The following SEC14L5 variants were observed in gnomAD, a reference collection of about 807,000 sequenced individuals.
SEC14L5 encodes SEC14 like lipid binding 5.
Under a neutral mutation model 84.6 loss-of-function variants are expected in SEC14L5, and 96 were observed. The ratio of observed to expected loss-of-function variants is 1.13; its 90% confidence interval spans 0.96 to 1.34. The LOEUF (loss-of-function observed/expected upper bound fraction) is 1.34, where lower values mean the gene tolerates loss of function less well. SEC14L5 is among the 40% of genes most tolerant of loss of function. The pLI, the probability that SEC14L5 is intolerant of heterozygous loss-of-function variation, is 0.00. For missense variants in SEC14L5, 1,224 were observed against 942.5 expected (o/e 1.30, Z -3.91); for synonymous variants, 546 against 383.4 (o/e 1.42, Z -4.95).
chr16:5,010,776 AATCCCAC>A (rs1955790313), intron 14 of SEC14L5: 2 of 323,984 alleles, frequency 6.2e-6, no homozygotes, highest in Non-Finnish European at 1.1e-5. Context: ...TTGGTTTGCA[AATCCCAC>A]TCAGCAGAGC....
intron 10 of SEC14L5, among the ~76,000 whole-genome samples, chr16:5,003,155 A>G (rs893597520): frequency 1.3e-5 from 2 of 152,214 alleles, no homozygotes; most frequent in Non-Finnish European, 2.9e-5. Flanking sequence ...CCACTGTCCT[A>G]TGAGTAAGTG....
chr16:4,983,392 C>A (rs1422760750), intron 2 of SEC14L5, among the ~76,000 whole-genome samples: 1 of 150,136 alleles, frequency 6.7e-6, no homozygotes, highest in South Asian at 2.1e-4. Flanking sequence ...TTTATATATA[C>A]ATTATATATT....
In SEC14L5 at chr16:5,006,047, T is replaced by A; in HGVS notation, c.1436T>A (p.Val479Glu). 1 of 1,612,938 alleles carries A rather than the reference T, an allele frequency of 6.2e-7. No individual in the cohort carries two copies. The highest frequency in any genetic ancestry group is 1.1e-5 in the South Asian group (1 of 91,006). Residue 479 changes from valine to glutamate, a missense_variant and splice_region_variant, in exon 12 of 16, where the codon GTG (valine) becomes GAG (glutamate). Physicochemically the swap from Val to Glu is moderately radical, Grantham distance 121 (BLOSUM62 -2). Coordinates refer to ENST00000251170, the MANE Select transcript of SEC14L5 (RefSeq NM_014692.2). ...VIPDFLGGESVCNVPEGGLVP... is the reference protein window; with the variant it reads ...VIPDFLGGESECNVPEGGLVP... Reference sequence around the variant, plus strand: ...CCTGACTTCCTTGGGGGAGAGAGTGTGGTGAGGCTTCCATGTCCACAGACA... The same window carrying A: ...CCTGACTTCCTTGGGGGAGAGAGTGAGGTGAGGCTTCCATGTCCACAGACA...
At chr16:4,975,152 A>T (rs1263696860) in intron 2 of SEC14L5, among the ~76,000 whole-genome samples, 1 of 152,068 alleles carries the variant, frequency 6.6e-6, no homozygotes, top group Admixed American at 6.6e-5. Flanking sequence ...GAGTTACTTC[A>T]TTTAGAATAA....
chr16:4,962,486 G>T lies in SEC14L5; in HGVS notation c.63+3100G>T, dbSNP rs549069712. Among the ~76,000 whole-genome samples the T allele has an allele frequency of 6.6e-5, 10 of 152,160 alleles. No individual in the cohort carries two copies. The South Asian group carries it at 2.1e-3, about 32-fold the overall frequency. ...GCGGACCACCTCAGGTCAGGAGTTC[G>T]AGACGAGCTTGGCCAACATGGTAAA... On this transcript the variant is annotated intron_variant, in intron 2 of 15. Transcript: ENST00000251170.
At position 5,015,944 on chromosome 16, in the gene SEC14L5, T is replaced by C. The variant is rs1955870888; in HGVS notation, c.*974T>C. 1 of 152,240 alleles carries C rather than the reference T, an allele frequency of 6.6e-6. No individual in the cohort carries two copies. Among genetic ancestry groups the C allele is most frequent in the African/African-American group, 2.4e-5 (1 of 41,442 alleles). 9.4% of individuals were successfully genotyped at this position (152,240 alleles called of 1,614,324 possible). A position where few individuals can be genotyped will look rare whatever the true frequency, so the allele number is the denominator to read the frequency against. ...GTGATGGGGTGACTGAGGCTGTCTG[T>C]ATACCCCACTGGAGATGCCTTTCTC... On this transcript the variant is annotated 3_prime_UTR_variant, in exon 16 of 16. Transcript: ENST00000251170.
At position 5,017,074 on chromosome 16, in the gene SEC14L5, G is replaced by A. The variant is rs1157492498; in HGVS notation, c.*2104G>A. ...AAACTAGGTGTTATCCTACAAGTAT[G>A]CTGGGATAAGCTGCCCTGGCAGTCT... On this transcript the variant is annotated 3_prime_UTR_variant, in exon 16 of 16. Transcript: ENST00000251170. The A allele has an allele frequency of 1.3e-5, 2 of 152,090 alleles. No individual in the cohort carries two copies. Among genetic ancestry groups the A allele is most frequent in the African/African-American group, 2.4e-5 (1 of 41,394 alleles). 9.4% of individuals were successfully genotyped at this position (152,090 alleles called of 1,614,324 possible). A position where few individuals can be genotyped will look rare whatever the true frequency, so the allele number is the denominator to read the frequency against.
At chr16:4,989,828 G>C (rs371680067) in intron 4 of SEC14L5, among the ~76,000 whole-genome samples, 1 of 152,034 alleles carries the variant, frequency 6.6e-6, no homozygotes, top group African/African-American at 2.4e-5. Context: ...GGCTGCTTGC[G>C]AAATGCAGAT....
intron 2 of SEC14L5, among the ~76,000 whole-genome samples, chr16:4,977,805 T>TTTA (rs1416872869): frequency 6.6e-6 from 1 of 151,712 alleles, no homozygotes; most frequent in Non-Finnish European, 1.5e-5. Context: ...TATTTATTTA[T>TTTA]TTATTATTAT....
intron 2 of SEC14L5, among the ~76,000 whole-genome samples, chr16:4,983,261 G>C (rs932025136): frequency 6.6e-6 from 1 of 151,878 alleles, no homozygotes; most frequent in Admixed American, 6.6e-5. Context: ...TGATCTGCCT[G>C]CCTTGGCTTC....
At chr16:4,966,076 A>C (rs749633679) in intron 2 of SEC14L5, among the ~76,000 whole-genome samples, 6 of 152,104 alleles carry the variant, frequency 3.9e-5, no homozygotes, top group Non-Finnish European at 7.3e-5. Context: ...TAAAAATGTT[A>C]AAAATATTTA....
chr16:4,970,092 G>A (rs142166993), intron 2 of SEC14L5, among the ~76,000 whole-genome samples: 20 of 152,314 alleles, frequency 1.3e-4, no homozygotes, highest in Admixed American at 3.3e-4. Context: ...GATCACAGGC[G>A]TGAGCCACTG....
At chr16:5,014,801 C>A in intron 15 of SEC14L5, 58 bp from the exon 16 acceptor site, 1 of 1,355,884 alleles carries the variant, frequency 7.4e-7, no homozygotes, top group Non-Finnish European at 1.0e-6. Flanking sequence ...TGCTGTGTGT[C>A]AGCCCAAGGG....
Position 5,000,886 on chromosome 16 carries a change from G to C in SEC14L5, c.1091G>C (p.Arg364Pro), listed in dbSNP as rs776944562. The C allele has an allele frequency of 6.2e-7, 1 of 1,609,026 alleles. No homozygotes were observed. Among genetic ancestry groups the C allele is most frequent in the South Asian group, 1.1e-5 (1 of 89,988 alleles). The change falls in exon 10 of 16, where the codon CGG (arginine) becomes CCG (proline). Residue 364 changes from arginine (R) to proline (P), a missense_variant. Coordinates refer to ENST00000251170, the MANE Select transcript of SEC14L5 (RefSeq NM_014692.2). ...TCCGTCAACGAGGAAGGACAGAAGC[G>C]GTGTGAGGGGAGCACAAGGCAGCTG... ...VLSVNEEGQK[R>P]CEGSTRQLGR... is the part of the protein sequence containing the mutation.
chr16:5,004,494 AG>A (rs1297979167), intron 11 of SEC14L5, among the ~76,000 whole-genome samples: 1 of 151,908 alleles, frequency 6.6e-6, no homozygotes, highest in Non-Finnish European at 1.5e-5. Context: ...GGGGAAGGAG[AG>A]ACCCCAAGCA....
At chr16:4,978,459 C>T (rs1275811147) in intron 2 of SEC14L5, among the ~76,000 whole-genome samples, 3 of 142,578 alleles carry the variant, frequency 2.1e-5, no homozygotes, top group Admixed American at 7.1e-5. Flanking sequence ...TGCTCTGCCA[C>T]CCAGGCTGGA....
chr16:5,008,736 A>G, intron 14 of SEC14L5, 88 bp downstream of exon 14: 4 of 1,188,662 alleles, frequency 3.4e-6, no homozygotes, highest in Middle Eastern at 4.8e-4. Flanking sequence ...AGCGGAGGAC[A>G]TACTGGGCTG....
intron 8 of SEC14L5, 88 bp downstream of exon 8, chr16:4,997,132 T>A (rs1955621526): frequency 6.2e-6 from 6 of 972,006 alleles, no homozygotes; most frequent in Middle Eastern, 3.3e-4. Flanking sequence ...GGGGTCTCAC[T>A]CTGTCACCCA....
At chr16:5,004,968 G>A (rs918730585) in intron 11 of SEC14L5, among the ~76,000 whole-genome samples, 1 of 152,204 alleles carries the variant, frequency 6.6e-6, no homozygotes, top group African/African-American at 2.4e-5. Flanking sequence ...CTCAGTGAAA[G>A]GGGCCAGACA....
Sources: gnomAD v4.1 joint callset for allele counts (sites outside exome capture counted in the v4.1 genomes callset) on GRCh38, gnomAD v4.1.1 for gene constraint, MANE v1.5 for transcripts, NCBI Gene and HGNC (gene_info 2026-07-23, HGNC 2026-07-21) for gene names.